The following CAPZB variants were observed in gnomAD, a reference collection of about 807,000 sequenced individuals.
The protein encoded by CAPZB is capping actin protein of muscle Z-line subunit beta.
In CAPZB, 2 loss-of-function variants were observed where a neutral mutation model predicts 38.1. That is an observed-to-expected ratio of 0.05 (90% CI 0.02 to 0.17). CAPZB has a LOEUF of 0.17. CAPZB is among the 10% of genes least tolerant of loss of function. The probability of loss-of-function intolerance (pLI) is 1.00; values close to 1 mark genes in which losing one functional copy is unlikely to be tolerated. For missense variants in CAPZB, 161 were observed against 334.2 expected (o/e 0.48, Z 4.04); for synonymous variants, 107 against 127.4 (o/e 0.84, Z 1.08).
intron 3 of CAPZB, among the ~76,000 whole-genome samples, chr1:19,383,980 A>G (rs1186033069): frequency 6.6e-6 from 1 of 152,148 alleles, no homozygotes; most frequent in African/African-American, 2.4e-5. Flanking sequence ...CTGTGGTCTG[A>G]AGGAGGGCAA....
chr1:19,454,822 C>A (rs1205157309), intron 1 of CAPZB, among the ~76,000 whole-genome samples: 1 of 152,230 alleles, frequency 6.6e-6, no homozygotes, highest in African/African-American at 2.4e-5. Flanking sequence ...TTCTGGGTGA[C>A]ACATCAGAAA....
intron 1 of CAPZB, among the ~76,000 whole-genome samples, chr1:19,445,006 G>T (rs764385429): frequency 8.5e-5 from 13 of 152,256 alleles, no homozygotes; most frequent in Non-Finnish European, 1.5e-4. Context: ...GCCTCCCAAA[G>T]TGCTGGGTTT....
At chr1:19,344,923 G>A (rs2093952537) in intron 7 of CAPZB, among the ~76,000 whole-genome samples, 1 of 152,226 alleles carries the variant, frequency 6.6e-6, no homozygotes, top group Non-Finnish European at 1.5e-5. Flanking sequence ...AAGACCTAGT[G>A]CGCCCCAGAG....
intron 2 of CAPZB, among the ~76,000 whole-genome samples, chr1:19,390,001 C>T (rs138189713): frequency 9.8e-4 from 149 of 152,346 alleles, no homozygotes; most frequent in Non-Finnish European, 1.5e-3. Flanking sequence ...GACAGGCCCT[C>T]CAGCCTCAGC....
chr1:19,386,305 C>T (rs1445590328), intron 2 of CAPZB, among the ~76,000 whole-genome samples: 1 of 152,216 alleles, frequency 6.6e-6, no homozygotes, highest in Non-Finnish European at 1.5e-5. Flanking sequence ...TGACACAAGG[C>T]TCTGCAAGTA....
At chr1:19,354,717 T>C (rs1035477200) in intron 6 of CAPZB, among the ~76,000 whole-genome samples, 3 of 152,162 alleles carry the variant, frequency 2.0e-5, no homozygotes, top group Non-Finnish European at 4.4e-5. Flanking sequence ...TTAGGAGGGC[T>C]GAGGATTAAA....
chr1:19,429,005 T>C (rs1480271046), intron 1 of CAPZB, among the ~76,000 whole-genome samples: 1 of 152,238 alleles, frequency 6.6e-6, no homozygotes, highest in East Asian at 1.9e-4. Flanking sequence ...AAAAAAATTC[T>C]AGAAGACAGC....
intron 1 of CAPZB, among the ~76,000 whole-genome samples, chr1:19,424,832 T>C (rs746890988): frequency 5.3e-5 from 8 of 152,222 alleles, no homozygotes; most frequent in Non-Finnish European, 8.8e-5. Context: ...ATCCTGGATT[T>C]GGCCGCTTGC....
At chr1:19,382,532 G>T (rs1023293929) in intron 3 of CAPZB, among the ~76,000 whole-genome samples, 1 of 152,110 alleles carries the variant, frequency 6.6e-6, no homozygotes, top group African/African-American at 2.4e-5. Flanking sequence ...AGAATCAGAA[G>T]ACCTTGAAGT....
chr1:19,469,194 CACAGGCAGGAGGGA>C (rs1364880698), intron 1 of CAPZB, among the ~76,000 whole-genome samples: 1 of 152,146 alleles, frequency 6.6e-6, no homozygotes. Context: ...GACAGAAAGA[CACAGGCAGGAGGGA>C]ACAGGCAGGG....
chr1:19,472,058 G>A (rs966762187), intron 1 of CAPZB, among the ~76,000 whole-genome samples: 1 of 152,180 alleles, frequency 6.6e-6, no homozygotes, highest in Non-Finnish European at 1.5e-5. Context: ...CAGCACACAG[G>A]GAAAACCAGT....
chr1:19,482,045 T>C (rs2094631076), intron 1 of CAPZB, among the ~76,000 whole-genome samples: 1 of 152,168 alleles, frequency 6.6e-6, no homozygotes, highest in African/African-American at 2.4e-5. Flanking sequence ...ACAATAAGCA[T>C]TTCCCAGCCT....
At chr1:19,421,092 C>T (rs1318332386) in intron 1 of CAPZB, among the ~76,000 whole-genome samples, 1 of 152,208 alleles carries the variant, frequency 6.6e-6, no homozygotes, top group African/African-American at 2.4e-5. Context: ...CAGCCACTAT[C>T]TGATTTGTAT....
At chr1:19,376,836 T>C (rs560752875) in intron 4 of CAPZB, among the ~76,000 whole-genome samples, 2 of 152,292 alleles carry the variant, frequency 1.3e-5, no homozygotes, top group East Asian at 3.9e-4. Context: ...AATAAATCGA[T>C]GTTGGACTCT....
chr1:19,471,095 C>T (rs1172907086), intron 1 of CAPZB, among the ~76,000 whole-genome samples: 1 of 152,178 alleles, frequency 6.6e-6, no homozygotes, highest in African/African-American at 2.4e-5. Context: ...ATGTTTAATT[C>T]ATAAACCAGG....
rs1402456016 is a variant in CAPZB at position 19,339,641 on chromosome 1, C to G, written c.732-24G>C. 2.5e-6 allele frequency: 4 copies of G among 1,573,174 alleles called. No homozygotes were observed. In the African/African-American group the frequency reaches 4.1e-5, roughly 16 times the overall value. On this transcript the variant is annotated intron_variant, in intron 8 of 8. Transcript: ENST00000264202. ...ACCTGCAAGGGAGGAAAGGCGTTAT[C>G]AGCAGATTGAACAGGGACTGGTGAG...
chr1:19,449,816 A>G (rs542320887), intron 1 of CAPZB, among the ~76,000 whole-genome samples: 3 of 151,236 alleles, frequency 2.0e-5, no homozygotes, highest in South Asian at 4.2e-4. Context: ...AGACAGAGAG[A>G]AAGAAAGAAA....
At chr1:19,473,611 C>A (rs2094597062) in intron 1 of CAPZB, among the ~76,000 whole-genome samples, 1 of 152,218 alleles carries the variant, frequency 6.6e-6, no homozygotes, top group Non-Finnish European at 1.5e-5. Flanking sequence ...CACCTGTAAT[C>A]CCAGCACTTT....
intron 4 of CAPZB, among the ~76,000 whole-genome samples, chr1:19,368,495 GA>G (rs33961282): frequency 0.27 from 30,058 of 112,542 alleles, 3,501 homozygotes; most frequent in African/African-American, 0.3. Context: ...TTTTTTCTTG[GA>G]AAAAAAAAAA....
Sources: gnomAD v4.1 joint callset for allele counts (sites outside exome capture counted in the v4.1 genomes callset) on GRCh38, gnomAD v4.1.1 for gene constraint, MANE v1.5 for transcripts, NCBI Gene and HGNC (gene_info 2026-07-23, HGNC 2026-07-21) for gene names.